Variants in TRIM52 observed in about 807,000 individuals in gnomAD.
TRIM52 encodes the protein E3 ubiquitin-protein ligase TRIM52.
TRIM52 carries 24 observed loss-of-function variants against 27.0 expected under a neutral mutation model. That is an observed-to-expected ratio of 0.89 (90% CI 0.64 to 1.25). The LOEUF (loss-of-function observed/expected upper bound fraction) is 1.25, where lower values mean the gene tolerates loss of function less well. TRIM52 is among the 50% of genes most tolerant of loss of function. The pLI, the probability that TRIM52 is intolerant of heterozygous loss-of-function variation, is 0.00. For missense variants in TRIM52, 351 were observed against 354.7 expected, an observed-to-expected ratio of 0.99 and a Z score of 0.08; for synonymous variants, 125 against 126.5, an observed-to-expected ratio of 0.99 and a Z score of 0.08.
chr5:181,251,269 C>T (rs1036961068), downstream of TRIM52, among the ~76,000 whole-genome samples: 19 of 148,122 alleles, frequency 1.3e-4, no homozygotes, highest in African/African-American at 4.7e-4. Flanking sequence ...ACTCCAGAGC[C>T]TGGGCGACAA....
At chr5:181,252,295 T>C (rs2113233812), downstream of TRIM52, among the ~76,000 whole-genome samples, 1 of 152,352 alleles carries the variant, frequency 6.6e-6, no homozygotes. Flanking sequence ...ACTTTGGTTG[T>C]ACAGAACTGT....
Position 181,260,632 on chromosome 5 carries a change from T to A in TRIM52, c.182A>T (p.Asp61Val). 6.2e-7 allele frequency: 1 copy of A among 1,613,950 alleles called. No individual in the cohort carries two copies. The highest frequency in any genetic ancestry group is 2.2e-5 in the East Asian group (1 of 44,866). Residue 61 changes from aspartate (D) to valine (V), a missense_variant, in exon 1 of 2, where the codon GAT becomes GTT. By Grantham distance (152) the Asp-to-Val change is radical. Coordinates refer to ENST00000688015, the MANE Select transcript of TRIM52 (RefSeq NM_001346048.2). This position sits in a 1 kb window ranked among gnomAD's most constrained non-coding sequence, Gnocchi z 4.4. ...EDEEDQNEEEDEWEEEEDEEA... is the reference protein window; with the variant it reads ...EDEEDQNEEEVEWEEEEDEEA... ...CTCGTCCTCCTCCTCCTCCCATTCATCTTCCTCCTCGTTCTGGTCCTCCTC... is the reference window on the plus strand; with the variant it reads ...CTCGTCCTCCTCCTCCTCCCATTCAACTTCCTCCTCGTTCTGGTCCTCCTC...
At position 181,259,999 on chromosome 5, in the gene TRIM52, A is replaced by T; in HGVS notation, c.813+2T>A. 6.2e-7 allele frequency: 1 copy of T among 1,613,340 alleles called. No individual in the cohort carries two copies. Among genetic ancestry groups the T allele is most frequent in the Non-Finnish European group, 8.5e-7 (1 of 1,179,956 alleles). On this transcript the variant is annotated splice_donor_variant, in intron 1 of 1. Coordinates refer to ENST00000688015, the MANE Select transcript of TRIM52 (RefSeq NM_001346048.2). LOFTEE classifies it high-confidence loss of function. ...CCCCCCACATTCCCTCATTTCTCTC[A>T]CCTGGTACTCCTGCACCACCTCCTC...
rs978361574 is a variant in TRIM52, at chr5:181,255,737, T to C, written c.*1072A>G. ...AAGTTTTGTTTGATGTATTTCATAA[T>C]GAACGGCGAAATTGGTGTTTGCCCA... On this transcript the variant is annotated 3_prime_UTR_variant, in exon 2 of 2. Transcript: ENST00000688015. 7 of 152,262 alleles carry C rather than the reference T, an allele frequency of 4.6e-5. No individual in the cohort carries two copies. Among genetic ancestry groups the C allele is most frequent in the African/African-American group, 1.4e-4 (6 of 41,478 alleles). The allele number at this position is 152,262 out of a possible 1,614,324, so 9.4% of individuals were successfully genotyped here.
chr5:181,252,877 A>G (rs1332460715), downstream of TRIM52, among the ~76,000 whole-genome samples: 1 of 152,178 alleles, frequency 6.6e-6, no homozygotes, highest in Non-Finnish European at 1.5e-5. Flanking sequence ...CCAGAGCTTG[A>G]TTTTGTAAAC....
At chr5:181,257,040 G>A in intron 1 of TRIM52, 181 bp from the exon 2 acceptor site, 2 of 993,752 alleles carry the variant, frequency 2.0e-6, no homozygotes, top group Non-Finnish European at 2.4e-6. Flanking sequence ...GGACAATCCA[G>A]GCATCCAGTT....
downstream of TRIM52, among the ~76,000 whole-genome samples, chr5:181,250,543 GAAAA>G (rs978759785): frequency 7.1e-6 from 1 of 140,842 alleles, no homozygotes; most frequent in Non-Finnish European, 1.6e-5. Context: ...CTCAAAAAAA[GAAAA>G]AAAAAAAGAA....
Position 181,256,750 on chromosome 5 carries a change from G to C in TRIM52, c.*59C>G. ...CAGTCTTAAAGCTGCAGAGAATCGG[G>C]CTTTGCAGAACACTCCACTGTTTTT... On this transcript the variant is annotated 3_prime_UTR_variant, in exon 2 of 2. Coordinates refer to ENST00000688015, the MANE Select transcript of TRIM52 (RefSeq NM_001346048.2). 1 of 926,096 alleles carries C rather than the reference G, an allele frequency of 1.1e-6. No homozygotes were observed. Among genetic ancestry groups the C allele is most frequent in the Non-Finnish European group, 1.3e-6 (1 of 775,922 alleles). 57.4% of individuals were successfully genotyped at this position (926,096 alleles called of 1,614,324 possible). A position where few individuals can be genotyped will look rare whatever the true frequency, so the allele number is the denominator to read the frequency against.
chr5:181,260,448 G>C lies in TRIM52; in HGVS notation c.366C>G (p.Asp122Glu). Residue 122 changes from aspartate to glutamate, a missense_variant, in exon 1 of 2, where the codon GAC (aspartate) becomes GAG (glutamate). By Grantham distance (45) the Asp-to-Glu change is conservative. Coordinates refer to ENST00000688015, the MANE Select transcript of TRIM52 (RefSeq NM_001346048.2). The surrounding 1 kb of genome is among the most constrained non-coding windows in gnomAD (Gnocchi z 4.4). The stretch of plus-strand genomic sequence containing the variant: ...CTTCCTCTTCTTCTTCTTCCTCCTC[G>C]TCCCACATATAGTCTACGTTGTCCC... ...TNWDNVDYMW[D>E]EEEEEEEEDQ... 6.2e-7 allele frequency: 1 copy of C among 1,612,752 alleles called. No individual in the cohort carries two copies. Among genetic ancestry groups the C allele is most frequent in the Non-Finnish European group, 8.5e-7 (1 of 1,179,818 alleles).
At chr5:181,249,933 C>T (rs867900935), downstream of TRIM52, among the ~76,000 whole-genome samples, 2 of 150,796 alleles carry the variant, frequency 1.3e-5, no homozygotes, top group Non-Finnish European at 2.9e-5. Context: ...TGGGTTCAGA[C>T]AATTCTCCCA....
At chr5:181,259,850 C>CATCT in intron 1 of TRIM52, 151 bp downstream of exon 1, 1 of 1,511,984 alleles carries the variant, frequency 6.6e-7, no homozygotes, top group Non-Finnish European at 8.8e-7. Context: ...CCCATATGAC[C>CATCT]ATCTCTCTCC....
chr5:181,252,616 G>A (rs1353857576), downstream of TRIM52, among the ~76,000 whole-genome samples: 1 of 152,236 alleles, frequency 6.6e-6, no homozygotes, highest in Non-Finnish European at 1.5e-5. Context: ...TTAGGAATTG[G>A]GGGTAGGAAG....
intron 1 of TRIM52, 57 bp from the exon 2 acceptor site, chr5:181,256,916 C>A: frequency 1.0e-6 from 1 of 985,394 alleles, no homozygotes; most frequent in Non-Finnish European, 1.2e-6. Context: ...TTTTTGGCTG[C>A]CATTTTTAGC....
At chr5:181,258,241 T>C (rs1333896832) in intron 1 of TRIM52, 2 of 151,674 alleles carry the variant, frequency 1.3e-5, no homozygotes, top group Admixed American at 1.3e-4. Flanking sequence ...AAATGCAAAA[T>C]TAGCTGGGCA....
At chr5:181,259,707 G>A (rs932009256) in intron 1 of TRIM52, 6 of 493,986 alleles carry the variant, frequency 1.2e-5, no homozygotes, top group African/African-American at 5.8e-5. Context: ...TGTTACTCAC[G>A]TCCCTTACAC....
rs1759791866 is a variant in TRIM52, at chr5:181,256,672, TAA to T, written c.*135_*136del. ...CTCCTTTGCAATTAAAAGGGCTGTT[TAA>T]TATTAAGCTTTCACGGCTTGGAAGA... On this transcript the variant is annotated 3_prime_UTR_variant, in exon 2 of 2. Transcript: ENST00000688015. 2.0e-6 allele frequency: 1 copy of T among 503,514 alleles called. No homozygotes were observed. The highest frequency in any genetic ancestry group is 6.4e-5 in the Admixed American group (1 of 15,658). The allele number at this position is 503,514 out of a possible 1,614,324, so 31.2% of individuals were successfully genotyped here.
At chr5:181,259,608 C>G (rs1759941557) in intron 1 of TRIM52, 1 of 273,810 alleles carries the variant, frequency 3.7e-6, no homozygotes, top group African/African-American at 2.2e-5. Context: ...CTATTATCTC[C>G]AAGTACTGTG....
chr5:181,257,180 A>T (rs1190302374), intron 1 of TRIM52: 7 of 1,199,968 alleles, frequency 5.8e-6, no homozygotes. Context: ...TAATTCTTTG[A>T]TTCTAGCTTG....
At chr5:181,257,383 C>A in intron 1 of TRIM52, 1 of 1,584,642 alleles carries the variant, frequency 6.3e-7, no homozygotes, top group South Asian at 1.2e-5. Flanking sequence ...TTAATGAACA[C>A]CTCCTGTGGC....
Sources: gnomAD v4.1 joint callset for allele counts (sites outside exome capture counted in the v4.1 genomes callset) on GRCh38, gnomAD v4.1.1 for gene constraint, Gnocchi (gnomAD v3.1) non-coding constraint, MANE v1.5 for transcripts, NCBI Gene and HGNC (gene_info 2026-07-23, HGNC 2026-07-21) for gene names.